Variants in MAK observed in about 807,000 individuals in gnomAD.
MAK encodes male germ cell associated kinase, also known as serine/threonine-protein kinase MAK.
In MAK, 65 loss-of-function variants were observed where a neutral mutation model predicts 82.6. The observed-to-expected ratio is 0.79, with a 90% CI of 0.64 to 0.97. The LOEUF (loss-of-function observed/expected upper bound fraction) is 0.97. MAK is among the 50% of genes least tolerant of loss of function. The pLI is 0.00. For missense variants in MAK, 703 were observed against 780.2 expected (o/e 0.90, Z 1.18); for synonymous variants, 250 against 274.2 (o/e 0.91, Z 0.87).
chr6:10,803,485 C>T (rs1250964270), intron 7 of MAK, among the ~76,000 whole-genome samples: 1 of 148,474 alleles, frequency 6.7e-6, no homozygotes, highest in Non-Finnish European at 1.5e-5. Flanking sequence ...GTGGAGGTTG[C>T]AGTGAGCTGA....
intron 14 of MAK, among the ~76,000 whole-genome samples, chr6:10,769,854 T>C (rs7771135): frequency 1.3e-5 from 2 of 152,224 alleles, no homozygotes; most frequent in Non-Finnish European, 2.9e-5. Context: ...TTAAATGATA[T>C]AATTCCAGTA....
In MAK at chr6:10,796,079, G is replaced by A. The variant is rs199694073; in HGVS notation, c.1062C>T (p.Ser354=). The change falls in exon 9 of 15, where the codon AGC becomes AGT. Residue 354 remains serine, a synonymous_variant. Transcript: ENST00000354489. The part of the protein sequence containing the change: ...LQPIQPPQNL[S]VQQPPKQQSQ... ...TCTGTTGCTTTGGAGGTTGCTGGAC[G>A]CTCAGGTTCTGTGGCGGCTGAATGG... 6.1e-5 allele frequency: 99 copies of A among 1,614,128 alleles called. No homozygotes were observed. The highest frequency in any genetic ancestry group is 5.1e-4 in the East Asian group (23 of 44,876).
chr6:10,774,291 A>T (rs1581647518), intron 12 of MAK, among the ~76,000 whole-genome samples: 1 of 152,294 alleles, frequency 6.6e-6, no homozygotes, highest in East Asian at 1.9e-4. Flanking sequence ...ATTAATCAAA[A>T]AAGTTGAGTA....
chr6:10,797,327 A>G lies in MAK; in HGVS notation c.832-1018T>C, dbSNP rs1037443207. On this transcript the variant is annotated intron_variant, in intron 8 of 14. Coordinates refer to ENST00000354489, the MANE Select transcript of MAK (RefSeq NM_001242957.3). ...CCCTGGTGTATGGGTGGCACCATCT[A>G]ATAGCAGTGCTTCCCAAATGGAGGC... Among the ~76,000 whole-genome samples the G allele has an allele frequency of 7.9e-5, 12 of 152,324 alleles. No homozygotes were observed. In the East Asian group the frequency reaches 1.9e-3, roughly 24 times the overall value.
At chr6:10,809,528 C>G (rs1299756887) in intron 5 of MAK, among the ~76,000 whole-genome samples, 5 of 152,124 alleles carry the variant, frequency 3.3e-5, no homozygotes, top group Non-Finnish European at 1.5e-5. Flanking sequence ...GGTTTTGCCA[C>G]GTCACCCAGG....
intron 2 of MAK, among the ~76,000 whole-genome samples, chr6:10,820,268 T>C (rs1489896264): frequency 6.6e-6 from 1 of 152,210 alleles, no homozygotes; most frequent in Non-Finnish European, 1.5e-5. Context: ...CAGAAGATCC[T>C]TGGGAAGCTT....
intron 11 of MAK, among the ~76,000 whole-genome samples, chr6:10,783,753 G>T (rs1003421379): frequency 1.2e-4 from 18 of 152,318 alleles, no homozygotes; most frequent in African/African-American, 4.3e-4. Flanking sequence ...GGGCACAGTG[G>T]CTCACGCCTG....
intron 2 of MAK, among the ~76,000 whole-genome samples, chr6:10,829,673 C>G (rs1244707297): frequency 6.6e-6 from 1 of 152,122 alleles, no homozygotes; most frequent in African/African-American, 2.4e-5. Flanking sequence ...AAAGGAGGCA[C>G]TCATATTTTT....
rs1405301846 is a variant in MAK, at chr6:10,793,490, A to G, written c.1144-1643T>C. ...AAGAAAAAATACAGATTCAAAAATA[A>G]TTAGAAATTGAAGAGGTAAGAGATC... On this transcript the variant is annotated intron_variant, in intron 9 of 14. Transcript: ENST00000354489. The surrounding 1 kb of genome is among the most constrained non-coding windows in gnomAD (Gnocchi z 4.6). Among the ~76,000 whole-genome samples the G allele has an allele frequency of 6.6e-6, 1 of 152,246 alleles. No individual in the cohort carries two copies. Among genetic ancestry groups the G allele is most frequent in the South Asian group, 2.1e-4 (1 of 4,836 alleles).
At chr6:10,797,590 A>G (rs1451192005) in intron 8 of MAK, 1 of 985,298 alleles carries the variant, frequency 1.0e-6, no homozygotes, top group Non-Finnish European at 1.2e-6. Context: ...CAGCTATGGA[A>G]AAATTCCCTT....
At chr6:10,835,982 G>A (rs9467673) in intron 1 of MAK, among the ~76,000 whole-genome samples, 3,576 of 152,258 alleles carry the variant, frequency 0.023, 140 homozygotes, top group African/African-American at 0.078. Flanking sequence ...GATGACTTTC[G>A]ACCCAAGCCT....
intron 14 of MAK, among the ~76,000 whole-genome samples, chr6:10,765,941 A>C (rs2127503401): frequency 6.6e-6 from 1 of 152,358 alleles, no homozygotes; most frequent in South Asian, 2.1e-4. Flanking sequence ...TTGTTATCTG[A>C]ACAATTTATG....
Position 10,791,800 on chromosome 6 carries a change from A to AC in MAK, c.1190dup (p.Gln398SerfsTer9). 1 of 1,614,106 alleles carries AC rather than the reference A, an allele frequency of 6.2e-7. No homozygotes were observed. On this transcript the variant is annotated frameshift_variant, in exon 10 of 15. Transcript: ENST00000354489. LOFTEE classifies it high-confidence loss of function. ...TATCTCCAGACTTGAAGATAGTCTG[A>AC]CCCCAACGCCTCCTACCACTTTTAT... is the stretch of plus-strand genomic sequence containing the variant.
chr6:10,806,860 A>G (rs1049728546), intron 6 of MAK, among the ~76,000 whole-genome samples: 1 of 152,102 alleles, frequency 6.6e-6, no homozygotes, highest in African/African-American at 2.4e-5. Context: ...TGCCAGTGCC[A>G]TGCTTCTTGT....
chr6:10,767,650 G>A (rs1772569274), intron 14 of MAK, among the ~76,000 whole-genome samples: 2 of 151,986 alleles, frequency 1.3e-5, no homozygotes, highest in Admixed American at 6.6e-5. Context: ...TTAGCTGGGC[G>A]TGGTGGCACG....
intron 11 of MAK, among the ~76,000 whole-genome samples, chr6:10,777,339 G>C (rs1773546931): frequency 6.6e-6 from 1 of 151,372 alleles, no homozygotes; most frequent in African/African-American, 2.4e-5. Context: ...TTGAACCCAA[G>C]TTGTGGAAGT....
At chr6:10,789,448 A>G (rs1774889470) in intron 10 of MAK, among the ~76,000 whole-genome samples, 1 of 152,156 alleles carries the variant, frequency 6.6e-6, no homozygotes, top group Non-Finnish European at 1.5e-5. Flanking sequence ...TGTGGGGGAT[A>G]TGTTCTAAGA....
intron 2 of MAK, among the ~76,000 whole-genome samples, chr6:10,819,383 G>A (rs926615342): frequency 2.6e-5 from 4 of 152,176 alleles, no homozygotes; most frequent in African/African-American, 9.7e-5. Context: ...TGTAATCCCA[G>A]CACTTTGGGA....
At chr6:10,779,323 T>A (rs956951432) in intron 11 of MAK, 2 of 984,584 alleles carry the variant, frequency 2.0e-6, no homozygotes, top group Non-Finnish European at 2.4e-6. Flanking sequence ...ACCTAAGGCT[T>A]ACAGAGTGAG....
Sources: allele counts gnomAD v4.1 joint callset (sites outside exome capture counted in the v4.1 genomes callset), GRCh38; gene constraint gnomAD v4.1.1; non-coding constraint Gnocchi (gnomAD v3.1); transcripts MANE v1.5; gene names NCBI Gene and HGNC (gene_info 2026-07-23, HGNC 2026-07-21).